The following OSBPL8 variants were observed in gnomAD, a reference collection of about 807,000 sequenced individuals.
OSBPL8 encodes oxysterol binding protein like 8, also known as oxysterol-binding protein-related protein 8.
OSBPL8 carries 59 observed loss-of-function variants against 125.5 expected under a neutral mutation model. The ratio of observed to expected loss-of-function variants is 0.47; its 90% CI spans 0.38 to 0.58. The LOEUF (loss-of-function observed/expected upper bound fraction) is 0.58, where lower values mean the gene tolerates loss of function less well. Among genes scored for constraint, OSBPL8 ranks in the 20% least tolerant of loss-of-function variants. The pLI is 0.00. For missense variants in OSBPL8, 758 were observed against 1,047.8 expected (o/e 0.72, Z 3.82); for synonymous variants, 330 against 338.9 (o/e 0.97, Z 0.29).
At chr12:76,424,079 C>A (rs1869844229) in intron 4 of OSBPL8, among the ~76,000 whole-genome samples, 1 of 152,054 alleles carries the variant, frequency 6.6e-6, no homozygotes, top group African/African-American at 2.4e-5. Flanking sequence ...CAGCTCGCTG[C>A]CACCTCTACC....
intron 2 of OSBPL8, chr12:76,486,013 T>C (rs1172958745): frequency 7.0e-6 from 3 of 425,684 alleles, no homozygotes; most frequent in South Asian, 1.7e-5. Flanking sequence ...TCTGAAATTA[T>C]AGTAAAAATA....
chr12:76,481,763 C>T (rs1877522833), intron 2 of OSBPL8, among the ~76,000 whole-genome samples: 1 of 152,138 alleles, frequency 6.6e-6, no homozygotes, highest in Admixed American at 6.5e-5. Flanking sequence ...AGGACAAAAA[C>T]AGCAATATTT....
rs895632017 is a variant in OSBPL8, at chr12:76,556,727, G to A, written c.-68+2670C>T. 1.3e-5 allele frequency among the ~76,000 whole-genome samples: 2 copies of A among 152,176 alleles called. 1 individual carries two copies. The highest frequency in any genetic ancestry group is 4.1e-4 in the South Asian group (2 of 4,830). On this transcript the variant is annotated intron_variant, in intron 1 of 23. Transcript: ENST00000261183. The stretch of plus-strand genomic sequence containing the variant: ...CGCCCAGGCTGGAGTGCAATGGCAT[G>A]ATCTTGGCTCGTTGCAATCTCTGTC...
chr12:76,529,963 T>G (rs1423015557), intron 1 of OSBPL8, among the ~76,000 whole-genome samples: 1 of 152,222 alleles, frequency 6.6e-6, no homozygotes, highest in Non-Finnish European at 1.5e-5. Flanking sequence ...CTCAGAGTAG[T>G]GAAGTAACAT....
At chr12:76,558,813 C>A (rs576856437) in intron 1 of OSBPL8, among the ~76,000 whole-genome samples, 1 of 152,314 alleles carries the variant, frequency 6.6e-6, no homozygotes, top group African/African-American at 2.4e-5. Context: ...GAACCTGATT[C>A]CACTCTTGAG....
intron 1 of OSBPL8, among the ~76,000 whole-genome samples, chr12:76,515,672 C>T (rs1881463832): frequency 6.6e-6 from 1 of 152,056 alleles, no homozygotes; most frequent in African/African-American, 2.4e-5. Context: ...GTTTATGTTC[C>T]TTCCTCAACA....
rs182835707 is a variant in OSBPL8 at position 76,382,503 on chromosome 12, C to A, written c.1630+1751G>T. Among the ~76,000 whole-genome samples, 789 of 152,294 alleles carry A rather than the reference C, an allele frequency of 5.2e-3. 26 individuals are homozygous for A. Among genetic ancestry groups the A allele is most frequent in the Admixed American group, 0.048 (733 of 15,298 alleles). On this transcript the variant is annotated intron_variant, in intron 15 of 23. Transcript: ENST00000261183. ...GGCATCTACCTACTGGATCTCCCAA[C>A]TGTGAGAACCCAAAATGTCTTCAGA...
intron 21 of OSBPL8, among the ~76,000 whole-genome samples, chr12:76,368,633 C>CT (rs1206977094): frequency 6.6e-6 from 1 of 152,008 alleles, no homozygotes; most frequent in Admixed American, 6.6e-5. Context: ...GGTCTTATCT[C>CT]TAAGTTTCCT....
intron 2 of OSBPL8, among the ~76,000 whole-genome samples, chr12:76,474,581 T>A (rs553397864): frequency 6.6e-6 from 1 of 152,124 alleles, no homozygotes; most frequent in South Asian, 2.1e-4. Flanking sequence ...GCCAGGGCTC[T>A]AGTGATCCTC....
chr12:76,448,324 T>C (rs1872961423), intron 4 of OSBPL8, among the ~76,000 whole-genome samples: 1 of 152,194 alleles, frequency 6.6e-6, no homozygotes, highest in Non-Finnish European at 1.5e-5. Flanking sequence ...GTAGTTTTAA[T>C]TATTAGTAAC....
intron 1 of OSBPL8, among the ~76,000 whole-genome samples, chr12:76,521,240 G>C (rs1039449761): frequency 3.3e-5 from 5 of 152,110 alleles, no homozygotes; most frequent in Admixed American, 3.3e-4. Flanking sequence ...AACATATTGT[G>C]ACTATAAAGG....
chr12:76,381,614 TTATCTC>T (rs1400276522), intron 15 of OSBPL8, among the ~76,000 whole-genome samples: 2 of 152,208 alleles, frequency 1.3e-5, no homozygotes, highest in African/African-American at 4.8e-5. Context: ...GAAATGTTCT[TTATCTC>T]TATTAACACT....
In OSBPL8 at chr12:76,513,744, G is replaced by GTT. The variant is rs35639287; in HGVS notation, c.-67-26128_-67-26127dup. ...CTGAAATTAGGATTCTAACCCCTGG[G>GTT]TTTTTTTTTTTTTTTTTTTCCGGTT... On this transcript the variant is annotated intron_variant, in intron 1 of 23. Coordinates refer to ENST00000261183, the MANE Select transcript of OSBPL8 (RefSeq NM_020841.5). 8.1e-3 allele frequency among the ~76,000 whole-genome samples: 849 copies of GTT among 105,292 alleles called. 12 individuals carry two copies. Among genetic ancestry groups the GTT allele is most frequent in the African/African-American group, 0.03 (778 of 25,724 alleles). 69.1% of individuals were successfully genotyped at this position (105,292 alleles called of 152,430 possible).
chr12:76,503,876 G>T (rs1880152194), intron 1 of OSBPL8, among the ~76,000 whole-genome samples: 1 of 152,028 alleles, frequency 6.6e-6, no homozygotes, highest in African/African-American at 2.4e-5. Context: ...GATATGGTGG[G>T]TGCCAATGTA....
At chr12:76,514,144 T>C (rs991689900) in intron 1 of OSBPL8, among the ~76,000 whole-genome samples, 2 of 152,086 alleles carry the variant, frequency 1.3e-5, no homozygotes, top group South Asian at 2.1e-4. Flanking sequence ...TTTGCTTGTC[T>C]GAAAAGGATC....
At chr12:76,516,817 C>CTTTTTTTTTT (rs71668730) in intron 1 of OSBPL8, among the ~76,000 whole-genome samples, 2 of 130,820 alleles carry the variant, frequency 1.5e-5, no homozygotes, top group African/African-American at 3.2e-5. Flanking sequence ...CTTTTCTTTT[C>CTTTTTTTTTT]TTTTTTTTTT....
At chr12:76,552,680 C>T (rs1950979665) in intron 1 of OSBPL8, among the ~76,000 whole-genome samples, 1 of 152,148 alleles carries the variant, frequency 6.6e-6, no homozygotes, top group Non-Finnish European at 1.5e-5. Flanking sequence ...AGAGTGCTAT[C>T]TCTGGCCCCC....
chr12:76,466,667 T>C (rs1346433828), intron 2 of OSBPL8, among the ~76,000 whole-genome samples: 3 of 152,166 alleles, frequency 2.0e-5, no homozygotes, highest in Non-Finnish European at 1.5e-5. Flanking sequence ...TTTTTAAAAA[T>C]CTTTTTCCAG....
At chr12:76,489,561 T>C (rs1878497960) in intron 1 of OSBPL8, among the ~76,000 whole-genome samples, 1 of 152,230 alleles carries the variant, frequency 6.6e-6, no homozygotes, top group Non-Finnish European at 1.5e-5. Context: ...TGATAGCACA[T>C]CTGTTTACAG....
Sources: allele counts gnomAD v4.1 joint callset (sites outside exome capture counted in the v4.1 genomes callset), GRCh38; gene constraint gnomAD v4.1.1; transcripts MANE v1.5; gene names NCBI Gene and HGNC (gene_info 2026-07-23, HGNC 2026-07-21).